Variants in FANCI observed in about 807,000 individuals in gnomAD.
FANCI encodes the protein Fanconi anemia group I protein.
A neutral mutation model predicts 176.1 loss-of-function variants in FANCI; 156 were observed. The ratio of observed to expected loss-of-function variants is 0.89; its 90% confidence interval spans 0.78 to 1.01. The LOEUF (loss-of-function observed/expected upper bound fraction) is 1.01, where lower values mean the gene tolerates loss of function less well. Among genes scored for constraint, FANCI ranks in the 50% least tolerant of loss-of-function variants. FANCI has a pLI of 0.00. For missense variants in FANCI, 1,678 were observed against 1,534.1 expected, an observed-to-expected ratio of 1.09 and a Z score of -1.57; for synonymous variants, 613 against 541.7, an observed-to-expected ratio of 1.13 and a Z score of -1.83.
intron 9 of FANCI, among the ~76,000 whole-genome samples, chr15:89,266,551 A>G (rs2151335386): frequency 6.6e-6 from 1 of 150,980 alleles, no homozygotes; most frequent in African/African-American, 2.4e-5. Context: ...CTGGTCTCGA[A>G]CTCCTGACCT....
Position 89,302,628 on chromosome 15 carries a change from T to C in FANCI, c.3006+1186T>C, listed in dbSNP as rs188631178. On this transcript the variant is annotated intron_variant, in intron 27 of 37. Coordinates refer to ENST00000310775, the MANE Select transcript of FANCI (RefSeq NM_001113378.2). ...TCGCTCTGTCTCCCAGGCTGGAGTGTAGTGGCGCCATCTCAGCTCACTGCA... is the reference window on the plus strand; with the variant it reads ...TCGCTCTGTCTCCCAGGCTGGAGTGCAGTGGCGCCATCTCAGCTCACTGCA... Among the ~76,000 whole-genome samples the C allele has an allele frequency of 6.6e-5, 10 of 151,812 alleles. No individual in the cohort carries two copies. The East Asian group carries it at 9.7e-4, about 15-fold the overall frequency.
rs1217273453 is a variant in FANCI at position 89,291,624 on chromosome 15, C to T, written c.1902C>T (p.Phe634=). ...MQTLLSQLKQ[F]YEPKPDLLPP... ...CTTACTATACACAGTTAAAACAGTTCTATGAGCCAAAACCTGATCTGCTGC... is the reference window on the plus strand; with the variant it reads ...CTTACTATACACAGTTAAAACAGTTTTATGAGCCAAAACCTGATCTGCTGC... The change falls in exon 20 of 38, where the codon TTC becomes TTT. Residue 634 remains phenylalanine, a synonymous_variant. Transcript: ENST00000310775. 1 of 1,613,486 alleles carries T rather than the reference C, an allele frequency of 6.2e-7. No homozygotes were observed. The highest frequency in any genetic ancestry group is 8.5e-7 in the Non-Finnish European group (1 of 1,179,634).
chr15:89,281,786 T>A lies in FANCI; in HGVS notation c.1534T>A (p.Ser512Thr). ...TCAGCCCCTTCTCAAAGTCAGCATG[T>A]CAATGAGAGACTGCTTGATACTTGT... is the stretch of plus-strand genomic sequence containing the variant. Reference protein sequence around the residue: ...AVQPLLKVSMSMRDCLILVLR... With the variant: ...AVQPLLKVSMTMRDCLILVLR... The change falls in exon 16 of 38, where the codon TCA becomes ACA. Residue 512 changes from serine (S) to threonine (T), a missense_variant. By Grantham distance (58) the Ser-to-Thr change is moderately conservative (BLOSUM62 1). Coordinates refer to ENST00000310775, the MANE Select transcript of FANCI (RefSeq NM_001113378.2). The A allele has an allele frequency of 1.2e-6, 2 of 1,613,938 alleles. No homozygotes were observed. The highest frequency in any genetic ancestry group is 1.7e-6 in the Non-Finnish European group (2 of 1,179,916).
intron 2 of FANCI, among the ~76,000 whole-genome samples, chr15:89,250,690 A>G (rs2052206198): frequency 1.3e-5 from 2 of 150,520 alleles, no homozygotes; most frequent in East Asian, 1.9e-4. Context: ...AACTTAAAGT[A>G]TAATAAAAAT....
intron 26 of FANCI, among the ~76,000 whole-genome samples, chr15:89,300,774 A>T (rs1010637325): frequency 1.3e-5 from 2 of 152,244 alleles, no homozygotes; most frequent in African/African-American, 4.8e-5. Context: ...TTGTCAAAAT[A>T]TCAGGATGTT....
rs1027292339 is a variant in FANCI at position 89,260,618 on chromosome 15, G to GT, written c.158-88dup. ...TAGTAATCAGTCGTTTGATAATTCT[G>GT]TTTTTTTGTATTTAACTACAAACCT... is the stretch of plus-strand genomic sequence containing the variant. On this transcript the variant is annotated intron_variant, in intron 3 of 37. Transcript: ENST00000310775. 7.4e-5 allele frequency: 111 copies of GT among 1,502,528 alleles called. 1 individual carries two copies. Among genetic ancestry groups the GT allele is most frequent in the South Asian group, 3.5e-4 (31 of 88,142 alleles). 93.1% of individuals were successfully genotyped at this position (1,502,528 alleles called of 1,614,324 possible).
At chr15:89,273,320 A>AT in intron 10 of FANCI, 57 bp from the exon 11 acceptor site, 1 of 921,368 alleles carries the variant, frequency 1.1e-6, no homozygotes, top group Non-Finnish European at 1.7e-6. Flanking sequence ...TAAAAAAAAA[A>AT]AAAAAAGAAA....
At chr15:89,284,627 G>A (rs1326075748) in intron 17 of FANCI, among the ~76,000 whole-genome samples, 1 of 152,142 alleles carries the variant, frequency 6.6e-6, no homozygotes, top group Non-Finnish European at 1.5e-5. Context: ...GTCTATAATT[G>A]CTGATTTTAT....
chr15:89,264,710 C>A, intron 9 of FANCI, 103 bp downstream of exon 9: 3 of 1,012,660 alleles, frequency 3.0e-6, no homozygotes, highest in Non-Finnish European at 4.5e-6. Flanking sequence ...CTACCTTCAC[C>A]TCAGCACAAA....
At chr15:89,309,590 G>A (rs998639335) in intron 34 of FANCI, among the ~76,000 whole-genome samples, 8 of 152,050 alleles carry the variant, frequency 5.3e-5, no homozygotes, top group African/African-American at 1.9e-4. Flanking sequence ...TTTAAGCCAG[G>A]TGTTTGCCTA....
intron 27 of FANCI, among the ~76,000 whole-genome samples, chr15:89,302,482 A>C (rs1388285241): frequency 6.6e-6 from 1 of 152,034 alleles, no homozygotes; most frequent in Non-Finnish European, 1.5e-5. Context: ...AAAATTTAAA[A>C]ATTTTTCTTT....
chr15:89,260,438 A>G (rs944668247), intron 3 of FANCI, among the ~76,000 whole-genome samples: 9 of 152,186 alleles, frequency 5.9e-5, no homozygotes, highest in Admixed American at 2.0e-4. Flanking sequence ...GGGTTACTGG[A>G]CTTCTCAAAA....
chr15:89,314,117 A>G (rs1434852100), intron 35 of FANCI, among the ~76,000 whole-genome samples: 1 of 149,728 alleles, frequency 6.7e-6, no homozygotes, highest in South Asian at 2.1e-4. Context: ...TTAGGAGGAA[A>G]GACACACACA....
chr15:89,306,666 T>C (rs1463654935), intron 32 of FANCI, among the ~76,000 whole-genome samples: 1 of 152,148 alleles, frequency 6.6e-6, no homozygotes, highest in Non-Finnish European at 1.5e-5. Flanking sequence ...TACTCCAGCG[T>C]TGGCAATAGA....
chr15:89,268,402 A>G lies in FANCI; in HGVS notation c.759A>G (p.Leu253=), dbSNP rs1488208178. Residue 253 remains leucine (L), a synonymous_variant, in exon 10 of 38, where the codon CTA becomes CTG. Coordinates refer to ENST00000310775, the MANE Select transcript of FANCI (RefSeq NM_001113378.2). ...QHNEEQSGDE[L]LDVVTVPSGE... ...AACTTTCTGTTGAATCTTTTAGGCTATTGGATGTTGTCACTGTGCCATCAG... is the reference window on the plus strand; with the variant it reads ...AACTTTCTGTTGAATCTTTTAGGCTGTTGGATGTTGTCACTGTGCCATCAG... The G allele has an allele frequency of 6.2e-7, 1 of 1,614,112 alleles. No individual in the cohort carries two copies. The highest frequency in any genetic ancestry group is 1.6e-4 in the Middle Eastern group (1 of 6,062).
chr15:89,265,825 T>C (rs367716888), intron 9 of FANCI, among the ~76,000 whole-genome samples: 2 of 151,976 alleles, frequency 1.3e-5, no homozygotes, highest in East Asian at 3.9e-4. Flanking sequence ...CCTGGCCGGA[T>C]TTTTTGTTTT....
At chr15:89,246,761 TTC>T (rs1204968351) in intron 1 of FANCI, among the ~76,000 whole-genome samples, 5 of 120,326 alleles carry the variant, frequency 4.2e-5, no homozygotes, top group Non-Finnish European at 3.6e-5. Flanking sequence ...CTTTCTTCCT[TTC>T]TTTTTTTTTT....
chr15:89,306,012 G>T lies in FANCI; in HGVS notation c.3355G>T (p.Ala1119Ser), dbSNP rs369990131. ...QVSQETLSEEASSQATLPNQP... is the reference protein window; with the variant it reads ...QVSQETLSEESSSQATLPNQP... ...CCAATTTTATTTCCCTTTAGAAGAG[G>T]CCTCTTCTCAGGCAACCCTACCAAA... The change falls in exon 32 of 38, where the codon GCC (alanine) becomes TCC (serine). Residue 1119 changes from alanine (A) to serine (S), a missense_variant. Transcript: ENST00000310775. 21 of 1,614,114 alleles carry T rather than the reference G, an allele frequency of 1.3e-5. No homozygotes were observed. The highest frequency in any genetic ancestry group is 1.7e-5 in the Non-Finnish European group (20 of 1,180,024).
In FANCI at chr15:89,316,559, T is replaced by C. The variant is rs2055271919; in HGVS notation, c.*100T>C. 9.9e-6 allele frequency: 13 copies of C among 1,309,060 alleles called. No individual in the cohort carries two copies. The South Asian group carries it at 1.6e-4, about 16-fold the overall frequency. 81.1% of individuals were successfully genotyped at this position (1,309,060 alleles called of 1,614,324 possible). A position where few individuals can be genotyped will look rare whatever the true frequency, so the allele number is the denominator to read the frequency against. On this transcript the variant is annotated 3_prime_UTR_variant, in exon 38 of 38. Transcript: ENST00000310775. ...CCTGTAGTCCACACCGATGTTGGCA[T>C]CTTGGTTCTGAACCCACTGAATTCA...
Sources: allele counts gnomAD v4.1 joint callset (sites outside exome capture counted in the v4.1 genomes callset), GRCh38; gene constraint gnomAD v4.1.1; transcripts MANE v1.5; gene names NCBI Gene and HGNC (gene_info 2026-07-23, HGNC 2026-07-21).